The following SMURF2 variants were observed in gnomAD, a reference collection of about 807,000 sequenced individuals.
SMURF2 encodes the protein SMAD specific E3 ubiquitin protein ligase 2, also known as E3 ubiquitin-protein ligase SMURF2.
Under a neutral mutation model 109.6 loss-of-function variants are expected in SMURF2, and 48 were observed. The observed-to-expected ratio is 0.44, with a 90% confidence interval of 0.35 to 0.56. The LOEUF is 0.56. Ranked by LOEUF, SMURF2 falls within the 20% of genes least tolerant of loss-of-function variation. The pLI is 0.01. For missense variants in SMURF2, 575 were observed against 909.0 expected, an observed-to-expected ratio of 0.63 and a Z score of 4.72; for synonymous variants, 288 against 317.1, an observed-to-expected ratio of 0.91 and a Z score of 0.97.
At chr17:64,569,102 C>T (rs1372892186) in intron 10 of SMURF2, among the ~76,000 whole-genome samples, 1 of 151,874 alleles carries the variant, frequency 6.6e-6, no homozygotes, top group African/African-American at 2.4e-5. Flanking sequence ...GAGCTCGAGA[C>T]CAGTCTGGGC....
chr17:64,643,265 C>G (rs1970513933), intron 1 of SMURF2, among the ~76,000 whole-genome samples: 1 of 152,112 alleles, frequency 6.6e-6, no homozygotes, highest in Non-Finnish European at 1.5e-5. Flanking sequence ...TCAAGCCACC[C>G]ACCTGCGCTG....
intron 8 of SMURF2, among the ~76,000 whole-genome samples, chr17:64,580,305 A>C (rs1312566745): frequency 6.6e-6 from 1 of 152,210 alleles, no homozygotes; most frequent in Non-Finnish European, 1.5e-5. Context: ...CATAGAAGTG[A>C]CTCAGTCATT....
At chr17:64,602,523 A>C (rs1466265226) in intron 2 of SMURF2, among the ~76,000 whole-genome samples, 1 of 152,168 alleles carries the variant, frequency 6.6e-6, no homozygotes, top group Non-Finnish European at 1.5e-5. Context: ...TTCTCCAAAA[A>C]TTTAACTTGA....
At position 64,617,734 on chromosome 17, in the gene SMURF2, G is replaced by C. The variant is rs1555690226; in HGVS notation, c.53-11094C>G. Among the ~76,000 whole-genome samples, 3 of 152,122 alleles carry C rather than the reference G, an allele frequency of 2.0e-5. No individual in the cohort carries two copies. The East Asian group carries it at 5.8e-4, about 29-fold the overall frequency. ...TCCTCCTACCTCAGTCTCCCAGACT[G>C]TTAGAATTACAGGCATGAGCCACTG... On this transcript the variant is annotated intron_variant, in intron 1 of 18. Coordinates refer to ENST00000262435, the MANE Select transcript of SMURF2 (RefSeq NM_022739.4).
Position 64,562,840 on chromosome 17 carries a change from T to G in SMURF2, c.1143A>C (p.Gln381His), listed in dbSNP as rs1447662481. The G allele has an allele frequency of 3.1e-6, 5 of 1,614,094 alleles. No individual in the cohort carries two copies. The highest frequency in any genetic ancestry group is 4.2e-6 in the Non-Finnish European group (5 of 1,180,036). The change falls in exon 11 of 19, where the codon CAA becomes CAC. Residue 381 changes from glutamine (Q) to histidine (H), a missense_variant. Around this residue, in one of 5 missense-constraint regions of SMURF2, gnomAD observed 361 missense variants for 612.1 expected, o/e 0.59. Transcript: ENST00000262435. ...DLVQKLKILR[Q>H]ELSQQQPQAG... Reference sequence around the variant, plus strand: ...CCTGAGGCTGTTGTTGGGAAAGTTCTTGCCGCAAAATTTTTAGTTTCTGAA... The same window carrying G: ...CCTGAGGCTGTTGTTGGGAAAGTTCGTGCCGCAAAATTTTTAGTTTCTGAA...
intron 1 of SMURF2, among the ~76,000 whole-genome samples, chr17:64,627,102 GT>G (rs1453842873): frequency 1.4e-5 from 2 of 139,526 alleles, no homozygotes; most frequent in Admixed American, 7.3e-5. Context: ...AAGCCACTAA[GT>G]TTTTTTCCTT....
At chr17:64,589,199 T>C (rs1316731080) in intron 5 of SMURF2, among the ~76,000 whole-genome samples, 2 of 152,174 alleles carry the variant, frequency 1.3e-5, no homozygotes, top group East Asian at 3.8e-4. Flanking sequence ...ACATTTGTTT[T>C]CTATGTGGTG....
intron 1 of SMURF2, among the ~76,000 whole-genome samples, chr17:64,615,557 C>G (rs992437017): frequency 1.3e-5 from 2 of 152,176 alleles, no homozygotes; most frequent in Non-Finnish European, 2.9e-5. Context: ...GCCTCTATCT[C>G]AACCCCTAAA....
chr17:64,618,227 G>A (rs1439568540), intron 1 of SMURF2, among the ~76,000 whole-genome samples: 1 of 152,126 alleles, frequency 6.6e-6, no homozygotes, highest in Non-Finnish European at 1.5e-5. Flanking sequence ...GAGCCCAAGA[G>A]TTAGAGACCA....
At chr17:64,559,664 G>C (rs1214028520) in intron 12 of SMURF2, among the ~76,000 whole-genome samples, 3 of 151,820 alleles carry the variant, frequency 2.0e-5, no homozygotes, top group Non-Finnish European at 4.4e-5. Context: ...CCAGCACTTA[G>C]GGAGGCGGAG....
At chr17:64,648,733 G>A (rs782536561) in intron 1 of SMURF2, among the ~76,000 whole-genome samples, 2 of 152,100 alleles carry the variant, frequency 1.3e-5, no homozygotes, top group East Asian at 1.9e-4. Flanking sequence ...AAGCCTGAGC[G>A]ACAGAGTGAG....
chr17:64,593,383 A>G, intron 4 of SMURF2, 57 bp downstream of exon 4: 2 of 1,514,592 alleles, frequency 1.3e-6, no homozygotes, highest in Admixed American at 2.0e-5. Flanking sequence ...GCACAAATAC[A>G]TATACACACA....
chr17:64,657,345 T>C (rs1239232379), intron 1 of SMURF2, among the ~76,000 whole-genome samples: 2 of 152,130 alleles, frequency 1.3e-5, no homozygotes, highest in Admixed American at 6.6e-5. Flanking sequence ...CTACTAAGTA[T>C]GGTCTATTTG....
chr17:64,659,683 T>C (rs1341727165), intron 1 of SMURF2, among the ~76,000 whole-genome samples: 1 of 152,182 alleles, frequency 6.6e-6, no homozygotes, highest in Admixed American at 6.5e-5. Flanking sequence ...CTTTTCCATC[T>C]AACCCTTTAA....
At chr17:64,563,998 A>G (rs1386151762) in intron 10 of SMURF2, among the ~76,000 whole-genome samples, 1 of 152,228 alleles carries the variant, frequency 6.6e-6, no homozygotes, top group Non-Finnish European at 1.5e-5. Flanking sequence ...TGGAAAGCAT[A>G]TATCAGATAT....
At chr17:64,633,148 T>C (rs1334509750) in intron 1 of SMURF2, among the ~76,000 whole-genome samples, 2 of 152,294 alleles carry the variant, frequency 1.3e-5, no homozygotes, top group East Asian at 3.9e-4. Flanking sequence ...CACGCACCTA[T>C]AGTCCCAGCT....
chr17:64,628,931 T>C lies in SMURF2; in HGVS notation c.53-22291A>G, dbSNP rs1970301862. On this transcript the variant is annotated intron_variant, in intron 1 of 18. Coordinates refer to ENST00000262435, the MANE Select transcript of SMURF2 (RefSeq NM_022739.4). ...CTCCTCCCCTGTTACTGAGCACCCA[T>C]GTAGTATGGGACAGACAACCCCACA... 2.6e-5 allele frequency among the ~76,000 whole-genome samples: 4 copies of C among 152,146 alleles called. No individual in the cohort carries two copies. The South Asian group carries it at 8.3e-4, about 31-fold the overall frequency.
chr17:64,591,081 T>C lies in SMURF2; in HGVS notation c.400+3A>G. On this transcript the variant is annotated splice_donor_region_variant and intron_variant, in intron 5 of 18. Coordinates refer to ENST00000262435, the MANE Select transcript of SMURF2 (RefSeq NM_022739.4). Reference sequence around the variant, plus strand: ...TTCATGTAACTTTAAATTCCACACTTACCTACTATCTGTCCTCTAACTGTA... The same window carrying C: ...TTCATGTAACTTTAAATTCCACACTCACCTACTATCTGTCCTCTAACTGTA... 3 of 1,610,018 alleles carry C rather than the reference T, an allele frequency of 1.9e-6. No homozygotes were observed. The highest frequency in any genetic ancestry group is 2.5e-6 in the Non-Finnish European group (3 of 1,177,404).
At chr17:64,624,503 CA>C (rs539075649) in intron 1 of SMURF2, among the ~76,000 whole-genome samples, 4,473 of 52,448 alleles carry the variant, frequency 0.085, 71 homozygotes, top group Non-Finnish European at 0.12. Flanking sequence ...CAGGCCTCTA[CA>C]AAAAAAAAAA....
Sources: allele counts gnomAD v4.1 joint callset (sites outside exome capture counted in the v4.1 genomes callset), GRCh38; gene constraint gnomAD v4.1.1; regional missense constraint gnomAD v4.1.1; transcripts MANE v1.5; gene names NCBI Gene and HGNC (gene_info 2026-07-23, HGNC 2026-07-21).